Variants in ARK2N observed in about 807,000 individuals in gnomAD.
The protein encoded by ARK2N is protein ARK2N.
At chr18:46,227,162 T>C in the ARK2N span, among the ~76,000 whole-genome samples, 2 of 152,182 alleles carry the variant, frequency 1.3e-5, no homozygotes, top group Non-Finnish European at 2.9e-5. Flanking sequence ...AACATCAATA[T>C]GAAAAAGGTT....
chr18:46,197,566 T>C, the ARK2N span, among the ~76,000 whole-genome samples: 1 of 152,276 alleles, frequency 6.6e-6, no homozygotes, highest in Admixed American at 6.5e-5. Context: ...TTTAATTAAG[T>C]CCAAGTACGG....
At chr18:46,242,482 CTT>C in the ARK2N span, among the ~76,000 whole-genome samples, 1 of 152,276 alleles carries the variant, frequency 6.6e-6, no homozygotes, top group Admixed American at 6.5e-5. Flanking sequence ...AAAAATCACT[CTT>C]AAGAAACTAC....
the ARK2N span, among the ~76,000 whole-genome samples, chr18:46,248,875 G>A: frequency 1.3e-5 from 2 of 152,136 alleles, no homozygotes; most frequent in Non-Finnish European, 2.9e-5. Flanking sequence ...GAGCCACTGC[G>A]CCTGGCCTCT....
the ARK2N span, among the ~76,000 whole-genome samples, chr18:46,259,270 G>A: frequency 6.9e-6 from 1 of 144,610 alleles, no homozygotes; most frequent in Admixed American, 6.9e-5. Flanking sequence ...TTGAGACAGA[G>A]TCTCATTCTG....
the ARK2N span, among the ~76,000 whole-genome samples, chr18:46,176,985 A>G: frequency 2.0e-5 from 3 of 152,144 alleles, no homozygotes; most frequent in Non-Finnish European, 4.4e-5. Flanking sequence ...TCTTGGGCTC[A>G]GGCAGTCCTC....
At chr18:46,193,133 C>T in the ARK2N span, among the ~76,000 whole-genome samples, 1 of 151,942 alleles carries the variant, frequency 6.6e-6, no homozygotes, top group African/African-American at 2.4e-5. Flanking sequence ...CACCACTGCA[C>T]TACAGCCTGG....
At chr18:46,197,339 A>T in the ARK2N span, among the ~76,000 whole-genome samples, 28 of 151,398 alleles carry the variant, frequency 1.8e-4, no homozygotes, top group African/African-American at 6.6e-4. Context: ...GGTTCAAGCG[A>T]TTGTCCTGCC....
At chr18:46,207,828 C>T in the ARK2N span, among the ~76,000 whole-genome samples, 3 of 152,344 alleles carry the variant, frequency 2.0e-5, no homozygotes, top group South Asian at 6.2e-4. Flanking sequence ...TTCTATCTTT[C>T]TAGCTCATTC....
At chr18:46,242,355 A>G in the ARK2N span, among the ~76,000 whole-genome samples, 1 of 152,238 alleles carries the variant, frequency 6.6e-6, no homozygotes, top group Non-Finnish European at 1.5e-5. Context: ...ACAAAAAATC[A>G]GCCATTTCTT....
the ARK2N span, among the ~76,000 whole-genome samples, chr18:46,233,642 CTT>C: frequency 6.6e-6 from 1 of 152,124 alleles, no homozygotes; most frequent in Admixed American, 6.5e-5. Flanking sequence ...GCTTTTACCT[CTT>C]TTGATCTTTT....
the ARK2N span, among the ~76,000 whole-genome samples, chr18:46,252,422 A>G: frequency 6.6e-6 from 1 of 151,896 alleles, no homozygotes; most frequent in East Asian, 2.0e-4. Flanking sequence ...GACTACAGGC[A>G]TGCCACCATG....
chr18:46,243,878 G>A, the ARK2N span, among the ~76,000 whole-genome samples: 2 of 152,130 alleles, frequency 1.3e-5, no homozygotes, highest in African/African-American at 4.8e-5. Context: ...CACATAGTAG[G>A]CCCTCAGAAA....
At chr18:46,219,396 A>G in the ARK2N span, among the ~76,000 whole-genome samples, 1 of 152,164 alleles carries the variant, frequency 6.6e-6, no homozygotes, top group African/African-American at 2.4e-5. Context: ...GTAAATTTAT[A>G]ATATTTTATA....
chr18:46,258,456 G>A, the ARK2N span, among the ~76,000 whole-genome samples: 4 of 152,066 alleles, frequency 2.6e-5, no homozygotes, highest in African/African-American at 7.2e-5. Context: ...CTGTGTGTGC[G>A]CGCACACACT....
the ARK2N span, among the ~76,000 whole-genome samples, chr18:46,212,937 T>C: frequency 0.017 from 2,641 of 151,684 alleles, 72 homozygotes; most frequent in African/African-American, 0.06. Context: ...CCTATATAGC[T>C]GACATTAATT....
the ARK2N span, among the ~76,000 whole-genome samples, chr18:46,186,860 T>A: frequency 9.5e-5 from 13 of 137,496 alleles, no homozygotes; most frequent in African/African-American, 3.1e-4. Flanking sequence ...TACTACTACT[T>A]TTTTTTTTTT....
chr18:46,235,668 A>G, the ARK2N span, among the ~76,000 whole-genome samples: 2 of 152,036 alleles, frequency 1.3e-5, no homozygotes, highest in South Asian at 4.1e-4. Flanking sequence ...CATCCTGTAT[A>G]TTCTTCTTTC....
the ARK2N span, chr18:46,253,603 A>C: frequency 9.7e-6 from 14 of 1,450,352 alleles, no homozygotes; most frequent in South Asian, 1.6e-4. Context: ...TTCTGTGACT[A>C]AACCTAGATG....
the ARK2N span, among the ~76,000 whole-genome samples, chr18:46,259,716 C>T: frequency 3.4e-5 from 5 of 148,566 alleles, no homozygotes; most frequent in Non-Finnish European, 6.0e-5. Flanking sequence ...AGCCATCCTC[C>T]CACCTCAGCC....
Sources: gnomAD v4.1 joint callset for allele counts (sites outside exome capture counted in the v4.1 genomes callset) on GRCh38, gnomAD v4.1.1 for gene constraint, MANE v1.5 for transcripts, NCBI Gene and HGNC (gene_info 2026-07-23, HGNC 2026-07-21) for gene names.